PPIP5K2: variants seen among roughly 807,000 people sequenced by gnomAD.
PPIP5K2 encodes the protein inositol hexakisphosphate and diphosphoinositol-pentakisphosphate kinase 2.
PPIP5K2 carries 105 observed loss-of-function variants against 154.6 expected under a neutral mutation model. The ratio of observed to expected loss-of-function variants is 0.68; its 90% CI spans 0.58 to 0.80. PPIP5K2 has a LOEUF of 0.80. Ranked by LOEUF, PPIP5K2 falls within the 30% of genes least tolerant of loss-of-function variation. The probability of loss-of-function intolerance (pLI) is 0.00; values close to 1 mark genes in which losing one functional copy is unlikely to be tolerated. For synonymous variants in PPIP5K2, 480 were observed against 490.3 expected (o/e 0.98, Z 0.28); for missense variants, 992 against 1,504.6 (o/e 0.66, Z 5.64).
intron 5 of PPIP5K2, among the ~76,000 whole-genome samples, chr5:103,139,410 A>G (rs189452321): frequency 6.6e-6 from 1 of 152,200 alleles, no homozygotes; most frequent in Admixed American, 6.5e-5. Flanking sequence ...TTAGTCCACC[A>G]AGGTGGTGCC....
chr5:103,189,322 G>T (rs1800865326), intron 28 of PPIP5K2: 1 of 991,282 alleles, frequency 1.0e-6, no homozygotes, highest in Non-Finnish European at 1.4e-6. Context: ...GTTTATTAAA[G>T]ATAAGTGGAA....
intron 10 of PPIP5K2, among the ~76,000 whole-genome samples, chr5:103,153,140 G>A (rs1794893355): frequency 6.6e-6 from 1 of 151,710 alleles, no homozygotes; most frequent in South Asian, 2.1e-4. Context: ...CATGTCAGTT[G>A]ACTGAATGCT....
chr5:103,139,361 C>G (rs1792149028), intron 5 of PPIP5K2, among the ~76,000 whole-genome samples: 1 of 152,168 alleles, frequency 6.6e-6, no homozygotes, highest in Admixed American at 6.5e-5. Context: ...AAATTATAAA[C>G]TAGCCATGCA....
At chr5:103,139,757 T>C (rs1452254165) in intron 5 of PPIP5K2, among the ~76,000 whole-genome samples, 3 of 152,186 alleles carry the variant, frequency 2.0e-5, no homozygotes, top group East Asian at 3.8e-4. Flanking sequence ...ATAGCTGTCC[T>C]GAGGAAGCTC....
chr5:103,161,314 A>G (rs1303943064), intron 17 of PPIP5K2, among the ~76,000 whole-genome samples: 1 of 152,172 alleles, frequency 6.6e-6, no homozygotes, highest in Non-Finnish European at 1.5e-5. Flanking sequence ...GCTGCATAGT[A>G]TTCCATGGTG....
At position 103,129,504 on chromosome 5, in the gene PPIP5K2, G is replaced by T; in HGVS notation, c.-86G>T. 9.0e-7 allele frequency: 1 copy of T among 1,114,750 alleles called. No homozygotes were observed. The highest frequency in any genetic ancestry group is 2.7e-5 in the East Asian group (1 of 37,032). 69.1% of individuals were successfully genotyped at this position (1,114,750 alleles called of 1,614,324 possible). A position where few individuals can be genotyped will look rare whatever the true frequency, so the allele number is the denominator to read the frequency against. On this transcript the variant is annotated 5_prime_UTR_variant, in exon 2 of 31. The change abolishes an upstream ATG in the 5' untranslated region. Transcript: ENST00000358359. ...CAGACCTGTGCGTCAGCTAATATAT[G>T]GAGAATGCTTTCTTCTGATACTATT... is the stretch of plus-strand genomic sequence containing the variant.
In PPIP5K2 at chr5:103,133,483, T is replaced by C. The variant is rs781838725; in HGVS notation, c.145T>C (p.Cys49Arg). 1.2e-6 allele frequency: 2 copies of C among 1,609,544 alleles called. No homozygotes were observed. Among genetic ancestry groups the C allele is most frequent in the South Asian group, 2.2e-5 (2 of 90,412 alleles). ...PPERQIVVGI[C>R]SMAKKSKSKP... Reference sequence around the variant, plus strand: ...AGAAAGGCAGATTGTGGTTGGAATATGTTCCATGGCAAAGAAATCCAAATC... The same window carrying C: ...AGAAAGGCAGATTGTGGTTGGAATACGTTCCATGGCAAAGAAATCCAAATC... Residue 49 changes from cysteine to arginine, a missense_variant, in exon 3 of 31, where the codon TGT becomes CGT. Around this residue, in one of 9 missense-constraint regions of PPIP5K2, gnomAD observed 153 missense variants for 200.4 expected, o/e 0.76. Transcript: ENST00000358359.
chr5:103,166,005 G>T (rs151251185), intron 17 of PPIP5K2, among the ~76,000 whole-genome samples: 1 of 152,144 alleles, frequency 6.6e-6, no homozygotes, highest in East Asian at 1.9e-4. Flanking sequence ...AAACAAGTGG[G>T]ATGAAGATCC....
intron 29 of PPIP5K2, among the ~76,000 whole-genome samples, chr5:103,191,966 G>A (rs564639533): frequency 1.3e-4 from 20 of 151,990 alleles, no homozygotes; most frequent in East Asian, 7.7e-4. Flanking sequence ...TAGAGCTCTC[G>A]GAATGAATGC....
In PPIP5K2 at chr5:103,167,273, G is replaced by C. The variant is rs782610527; in HGVS notation, c.2015G>C (p.Ser672Thr). The change falls in exon 18 of 31, where the codon AGT becomes ACT. Residue 672 changes from serine to threonine, a missense_variant. Ser to Thr is a moderately conservative substitution (Grantham distance 58). This residue lies in a region of PPIP5K2 where 82 missense variants were observed against 91.8 expected (regional missense o/e 0.89). Coordinates refer to ENST00000358359, the MANE Select transcript of PPIP5K2 (RefSeq NM_001276277.3). The part of the protein sequence containing the change: ...TCDKVYSLIQ[S>T]LTSQIRHRME... Reference sequence around the variant, plus strand: ...GATAAAGTTTATTCCTTAATTCAGAGTTTGACTTCTCAAATCAGACATCGA... The same window carrying C: ...GATAAAGTTTATTCCTTAATTCAGACTTTGACTTCTCAAATCAGACATCGA... 13 of 1,590,262 alleles carry C rather than the reference G, an allele frequency of 8.2e-6. No homozygotes were observed. The South Asian group carries it at 1.2e-4, about 14-fold the overall frequency.
rs187037830 is a variant in PPIP5K2, at chr5:103,176,280, T to C, written c.2530-1387T>C. Among the ~76,000 whole-genome samples the C allele has an allele frequency of 1.2e-3, 186 of 152,178 alleles. 1 individual carries two copies. The highest frequency in any genetic ancestry group is 1.5e-4 in the Non-Finnish European group (10 of 67,932). The stretch of plus-strand genomic sequence containing the variant: ...CTGAGTTAGATATTAAATGGTGTTC[T>C]TAATACTGGAGTATCACAAAATCAC... On this transcript the variant is annotated intron_variant, in intron 21 of 30. Transcript: ENST00000358359.
In PPIP5K2 at chr5:103,145,750, T is replaced by C. The variant is rs147259064; in HGVS notation, c.488-777T>C. Among the ~76,000 whole-genome samples, 131 of 151,088 alleles carry C rather than the reference T, an allele frequency of 8.7e-4. 1 individual carries two copies. The highest frequency in any genetic ancestry group is 3.1e-3 in the African/African-American group (128 of 41,116). ...GGAAGGGTTGCAAGGATGACGGGGA[T>C]GAAGTGAGGATAGTTAGTGAGTATA... On this transcript the variant is annotated intron_variant, in intron 5 of 30. Coordinates refer to ENST00000358359, the MANE Select transcript of PPIP5K2 (RefSeq NM_001276277.3).
At chr5:103,179,222 C>T (rs1340652830) in intron 23 of PPIP5K2, among the ~76,000 whole-genome samples, 1 of 151,714 alleles carries the variant, frequency 6.6e-6, no homozygotes, top group African/African-American at 2.4e-5. Flanking sequence ...TCTCTGTAAC[C>T]CTTAATTTGA....
At position 103,138,432 on chromosome 5, in the gene PPIP5K2, T is replaced by C; in HGVS notation, c.450T>C (p.Arg150=). 6.2e-7 allele frequency: 1 copy of C among 1,607,634 alleles called. No homozygotes were observed. Among genetic ancestry groups the C allele is most frequent in the Non-Finnish European group, 8.5e-7 (1 of 1,175,082 alleles). ...ILQAEGILLP[R]YAILNRDPNN... is the part of the protein sequence containing the mutation. Reference sequence around the variant, plus strand: ...AAGCTGAAGGTATTTTACTTCCTCGTTATGCTATTTTGAACCGTGACCCAA... The same window carrying C: ...AAGCTGAAGGTATTTTACTTCCTCGCTATGCTATTTTGAACCGTGACCCAA... The change falls in exon 5 of 31, where the codon CGT becomes CGC. Residue 150 remains arginine (R), a synonymous_variant. Transcript: ENST00000358359.
chr5:103,155,837 A>C, intron 13 of PPIP5K2, 72 bp from the exon 14 acceptor site: 1 of 969,462 alleles, frequency 1.0e-6, no homozygotes, highest in Non-Finnish European at 1.6e-6. Flanking sequence ...GTTACAAATA[A>C]AAGGGAGCAT....
chr5:103,124,741 A>G (rs1554200148), intron 1 of PPIP5K2, among the ~76,000 whole-genome samples: 2 of 152,316 alleles, frequency 1.3e-5, no homozygotes. Flanking sequence ...AGAGAGTGCT[A>G]CTGGAAGCAA....
Position 103,120,357 on chromosome 5 carries a change from T to A in PPIP5K2, c.-416T>A. 2.2e-6 allele frequency: 1 copy of A among 455,052 alleles called. No homozygotes were observed. The highest frequency in any genetic ancestry group is 1.6e-5 in the South Asian group (1 of 64,476). The allele number at this position is 455,052 out of a possible 1,614,324, so 28.2% of individuals were successfully genotyped here. A position where few individuals can be genotyped will look rare whatever the true frequency, so the allele number is the denominator to read the frequency against. On this transcript the variant is annotated 5_prime_UTR_variant, in exon 1 of 31. Coordinates refer to ENST00000358359, the MANE Select transcript of PPIP5K2 (RefSeq NM_001276277.3). ...ATAGCTGTTACTGAAGGAAGTAGCCTACGTCCACGCCTACAACTGAAGTCT... is the reference window on the plus strand; with the variant it reads ...ATAGCTGTTACTGAAGGAAGTAGCCAACGTCCACGCCTACAACTGAAGTCT...
At chr5:103,147,012 A>G in intron 6 of PPIP5K2, among the ~76,000 whole-genome samples, 1 of 151,920 alleles carries the variant, frequency 6.6e-6, no homozygotes, top group East Asian at 1.9e-4. Context: ...CAGCTCATAG[A>G]AAAAGTAACA....
intron 19 of PPIP5K2, among the ~76,000 whole-genome samples, chr5:103,171,635 C>A (rs1798001444): frequency 6.6e-6 from 1 of 151,384 alleles, no homozygotes; most frequent in South Asian, 2.1e-4. Context: ...AGTAATATAT[C>A]TTTGTGATAA....
Sources: allele counts gnomAD v4.1 joint callset (sites outside exome capture counted in the v4.1 genomes callset), GRCh38; gene constraint gnomAD v4.1.1; regional missense constraint gnomAD v4.1.1; transcripts MANE v1.5; gene names NCBI Gene and HGNC (gene_info 2026-07-23, HGNC 2026-07-21).